RBFOX1: variants seen among roughly 807,000 people sequenced by gnomAD.
RBFOX1 encodes the protein RNA binding protein fox-1 homolog 1.
In RBFOX1, 8 loss-of-function variants were observed where a neutral mutation model predicts 57.7. The ratio of observed to expected loss-of-function variants is 0.14; its 90% CI spans 0.08 to 0.25. The LOEUF (loss-of-function observed/expected upper bound fraction) is 0.25, where lower values mean the gene tolerates loss of function less well. Ranked by LOEUF, RBFOX1 falls within the 10% of genes least tolerant of loss-of-function variation. RBFOX1 has a pLI of 1.00. For synonymous variants in RBFOX1, 326 were observed against 222.4 expected (o/e 1.47, Z -4.15); for missense variants, 611 against 548.5 (o/e 1.11, Z -1.14).
intron 4 of RBFOX1, among the ~76,000 whole-genome samples, chr16:7,145,937 C>G (rs1288356304): frequency 6.6e-6 from 1 of 152,170 alleles, no homozygotes; most frequent in Non-Finnish European, 1.5e-5. Flanking sequence ...CCGTAGTGGA[C>G]AGGTGCACCC....
chr16:5,459,993 C>T (rs1177980886), intron 1 of RBFOX1, among the ~76,000 whole-genome samples: 2 of 152,188 alleles, frequency 1.3e-5, no homozygotes, highest in Non-Finnish European at 2.9e-5. Flanking sequence ...TGGCCTCCTT[C>T]CTACACTTGC....
At chr16:5,975,908 C>G (rs9931811) in intron 4 of RBFOX1, among the ~76,000 whole-genome samples, 43,384 of 151,976 alleles carry the variant, frequency 0.29, 6,267 homozygotes, top group Middle Eastern at 0.41. Flanking sequence ...TACTTTGGAG[C>G]TGAGGCAGGT....
At chr16:6,526,444 G>C (rs535395065) in intron 2 of RBFOX1, among the ~76,000 whole-genome samples, 1 of 152,278 alleles carries the variant, frequency 6.6e-6, no homozygotes, top group Admixed American at 6.5e-5. Flanking sequence ...CTACATTGCT[G>C]TAGAAGGCGG....
At chr16:7,086,791 G>C (rs189687814) in intron 4 of RBFOX1, among the ~76,000 whole-genome samples, 1 of 152,154 alleles carries the variant, frequency 6.6e-6, no homozygotes, top group Non-Finnish European at 1.5e-5. Flanking sequence ...TTCATCCTTA[G>C]ATTAGGAAGC....
At chr16:6,515,550 A>G (rs991819671) in intron 2 of RBFOX1, among the ~76,000 whole-genome samples, 1 of 152,216 alleles carries the variant, frequency 6.6e-6, no homozygotes, top group Non-Finnish European at 1.5e-5. Context: ...GCAGACATTT[A>G]TGAACCTCTG....
chr16:5,406,801 A>G (rs72777540), intron 1 of RBFOX1, among the ~76,000 whole-genome samples: 41,119 of 151,982 alleles, frequency 0.27, 5,783 homozygotes, highest in African/African-American at 0.33. Flanking sequence ...CATGAATACA[A>G]TTCAGTAGAG....
intron 1 of RBFOX1, among the ~76,000 whole-genome samples, chr16:6,312,653 TTTCCTTCCTTCCTTCCTTCCTTCCTTCC>T (rs71145211): frequency 2.9e-4 from 37 of 126,564 alleles, no homozygotes; most frequent in African/African-American, 7.6e-4. Context: ...TAGTTCCTTC[TTTCCTTCCTTCCTTCCTTCCTTCCTTCC>T]TTCCTTCCTT....
In RBFOX1 at chr16:7,481,755, C is replaced by T. The variant is rs189034432; in HGVS notation, c.28-36392C>T. 1.9e-3 allele frequency among the ~76,000 whole-genome samples: 284 copies of T among 152,220 alleles called. 1 individual carries two copies. The highest frequency in any genetic ancestry group is 6.5e-3 in the African/African-American group (272 of 41,538). On this transcript the variant is annotated intron_variant, in intron 4 of 15. Coordinates refer to ENST00000550418, the MANE Select transcript of RBFOX1 (RefSeq NM_018723.4). ...CAATAAACCCATCATAAGTAGAAAA[C>T]ATAATAAGTCAAAAATGCACTTAAC...
intron 4 of RBFOX1, among the ~76,000 whole-genome samples, chr16:7,204,746 C>G (rs1053904186): frequency 2.0e-5 from 3 of 152,198 alleles, no homozygotes; most frequent in South Asian, 2.1e-4. Flanking sequence ...CCTTCATCTC[C>G]TTTTCTCCCC....
chr16:5,494,183 T>A (rs564863938), intron 2 of RBFOX1, among the ~76,000 whole-genome samples: 1 of 152,338 alleles, frequency 6.6e-6, no homozygotes, highest in Admixed American at 6.5e-5. Flanking sequence ...ATTCTTAATA[T>A]GCCTTCTTCC....
At chr16:7,062,892 CATTT>C (rs144820796) in intron 4 of RBFOX1, among the ~76,000 whole-genome samples, 2,885 of 59,952 alleles carry the variant, frequency 0.048, 633 homozygotes, top group African/African-American at 0.14. Context: ...AAATGATCGC[CATTT>C]TTTTTTTTTT....
chr16:6,606,554 C>A (rs2097929735), intron 2 of RBFOX1, among the ~76,000 whole-genome samples: 1 of 152,106 alleles, frequency 6.6e-6, no homozygotes, highest in Non-Finnish European at 1.5e-5. Flanking sequence ...GTGTGTAGTT[C>A]CCCTCCCTGT....
intron 3 of RBFOX1, among the ~76,000 whole-genome samples, chr16:5,753,556 C>T (rs1192415516): frequency 6.6e-6 from 1 of 152,152 alleles, no homozygotes; most frequent in African/African-American, 2.4e-5. Flanking sequence ...CAGTGGTGTG[C>T]TGCAGCCAGC....
chr16:5,764,723 G>A (rs957836693), intron 3 of RBFOX1, among the ~76,000 whole-genome samples: 3 of 152,118 alleles, frequency 2.0e-5, no homozygotes, highest in Admixed American at 6.5e-5. Flanking sequence ...AACATAACCT[G>A]AGCTTCAGTT....
intron 1 of RBFOX1, among the ~76,000 whole-genome samples, chr16:5,371,496 A>C (rs1220661833): frequency 6.6e-6 from 1 of 152,176 alleles, no homozygotes; most frequent in Non-Finnish European, 1.5e-5. Context: ...TGTGCAACAC[A>C]AATCTCTGTT....
At chr16:6,265,372 C>T (rs1263862611) in intron 1 of RBFOX1, among the ~76,000 whole-genome samples, 2 of 152,130 alleles carry the variant, frequency 1.3e-5, no homozygotes, top group Admixed American at 6.5e-5. Context: ...AGTGATTCTC[C>T]TGCCTCAGCC....
chr16:7,689,445 T>C (rs1483428467), intron 14 of RBFOX1, among the ~76,000 whole-genome samples: 1 of 152,092 alleles, frequency 6.6e-6, no homozygotes, highest in African/African-American at 2.4e-5. Flanking sequence ...CAGAATCTGC[T>C]ACCTACAGAA....
intron 2 of RBFOX1, among the ~76,000 whole-genome samples, chr16:6,503,148 G>A (rs1164224422): frequency 2.6e-5 from 4 of 152,106 alleles, no homozygotes; most frequent in Admixed American, 1.3e-4. Flanking sequence ...AGACTTCATG[G>A]TAGGAGCATA....
chr16:5,612,228 TTCA>T (rs2047847743), intron 3 of RBFOX1, among the ~76,000 whole-genome samples: 1 of 147,052 alleles, frequency 6.8e-6, no homozygotes, highest in Non-Finnish European at 1.5e-5. Context: ...CATTCATTCA[TTCA>T]TCTACTCTCC....
Sources: allele counts gnomAD v4.1 joint callset (sites outside exome capture counted in the v4.1 genomes callset), GRCh38; gene constraint gnomAD v4.1.1; transcripts MANE v1.5; gene names NCBI Gene and HGNC (gene_info 2026-07-23, HGNC 2026-07-21).